Variants in OR2J2 observed in about 807,000 individuals in gnomAD.
The protein encoded by OR2J2 is olfactory receptor 2J2.
Under a neutral mutation model 16.9 loss-of-function variants are expected in OR2J2, and 13 were observed. That is an observed-to-expected ratio of 0.77 (90% CI 0.50 to 1.23). OR2J2 has a LOEUF of 1.23. Among genes scored for constraint, OR2J2 ranks in the 50% most tolerant of loss-of-function variants. The pLI is 0.00. For missense variants in OR2J2, 341 were observed against 379.1 expected (o/e 0.90, Z 0.84); for synonymous variants, 125 against 141.2 (o/e 0.89, Z 0.81).
At chr6:29,173,343 A>G in intron 1 of OR2J2, 1 of 314,618 alleles carries the variant, frequency 3.2e-6, no homozygotes, top group Non-Finnish European at 5.7e-6. Flanking sequence ...TTTTTCATAA[A>G]TATTGTGTTC....
In OR2J2 at chr6:29,173,703, A is replaced by T. The variant is rs374674840; in HGVS notation, c.68A>T (p.Gln23Leu). 6.2e-7 allele frequency: 1 copy of T among 1,613,554 alleles called. No individual in the cohort carries two copies. Among genetic ancestry groups the T allele is most frequent in the Non-Finnish European group, 8.5e-7 (1 of 1,179,876 alleles). ...FILLGFSNWP[Q>L]LEVVLFVVIL... is the part of the protein sequence containing the mutation. The stretch of plus-strand genomic sequence containing the variant: ...CTACTTGGATTTTCTAATTGGCCTC[A>T]GCTGGAAGTAGTTCTCTTTGTGGTT... The change falls in exon 2 of 2, where the codon CAG (glutamine) becomes CTG (leucine). Residue 23 changes from glutamine to leucine, a missense_variant. By Grantham distance (113) the Gln-to-Leu change is moderately radical. Transcript: ENST00000641417.
rs780746555 is a variant in OR2J2, at chr6:29,174,520, C to G, written c.885C>G (p.Asn295Lys). ...ATCCTCTAATCTACACTCTCAGAAA[C>G]AAGCATGTAAAAGGGGCAGCGAAGA... Reference protein sequence around the residue: ...SLNPLIYTLRNKHVKGAAKRL... With the variant: ...SLNPLIYTLRKKHVKGAAKRL... The change falls in exon 2 of 2, where the codon AAC becomes AAG. Residue 295 changes from asparagine (N) to lysine (K), a missense_variant. Physicochemically the swap from Asn to Lys is moderately conservative, Grantham distance 94. Coordinates refer to ENST00000641417, the MANE Select transcript of OR2J2 (RefSeq NM_030905.3). The G allele has an allele frequency of 1.2e-6, 2 of 1,613,644 alleles. No homozygotes were observed. The highest frequency in any genetic ancestry group is 1.7e-6 in the Non-Finnish European group (2 of 1,179,882).
Position 29,175,712 on chromosome 6 carries a change from C to A in OR2J2, c.*1138C>A, listed in dbSNP as rs1765824537. The A allele has an allele frequency of 6.6e-6, 1 of 152,032 alleles. No homozygotes were observed. Among genetic ancestry groups the A allele is most frequent in the South Asian group, 2.1e-4 (1 of 4,826 alleles). 9.4% of individuals were successfully genotyped at this position (152,032 alleles called of 1,614,324 possible). On this transcript the variant is annotated 3_prime_UTR_variant, in exon 2 of 2. Coordinates refer to ENST00000641417, the MANE Select transcript of OR2J2 (RefSeq NM_030905.3). ...ACTTTACATGAACATTTTGAAATCA[C>A]TACTAAATTCAATATTTTCAACATA...
In OR2J2 at chr6:29,173,851, C is replaced by A. The variant is rs1421863118; in HGVS notation, c.216C>A (p.Leu72=). The change falls in exon 2 of 2, where the codon CTC becomes CTA. Residue 72 remains leucine, a synonymous_variant. Coordinates refer to ENST00000641417, the MANE Select transcript of OR2J2 (RefSeq NM_030905.3). The part of the protein sequence containing the change: ...FFLSNLSFLD[L]CYTTSSIPQL... Reference sequence around the variant, plus strand: ...TTTCAAACCTCTCATTTCTGGATCTCTGCTACACCACCAGCTCTATCCCTC... The same window carrying A: ...TTTCAAACCTCTCATTTCTGGATCTATGCTACACCACCAGCTCTATCCCTC... 1 of 1,612,798 alleles carries A rather than the reference C, an allele frequency of 6.2e-7. No homozygotes were observed. Among genetic ancestry groups the A allele is most frequent in the East Asian group, 2.2e-5 (1 of 44,828 alleles).
intron 1 of OR2J2, among the ~76,000 whole-genome samples, chr6:29,172,130 G>A (rs1765526004): frequency 6.6e-6 from 1 of 152,114 alleles, no homozygotes; most frequent in Non-Finnish European, 1.5e-5. Context: ...TCAGCTCACT[G>A]CAACCTCCAC....
At chr6:29,171,311 T>C (rs1364632885) in intron 1 of OR2J2, among the ~76,000 whole-genome samples, 2 of 152,098 alleles carry the variant, frequency 1.3e-5, no homozygotes, top group Middle Eastern at 6.4e-3. Flanking sequence ...TATATACAAT[T>C]ATTACTAGTC....
At chr6:29,172,259 C>T (rs1158044612) in intron 1 of OR2J2, among the ~76,000 whole-genome samples, 4 of 151,964 alleles carry the variant, frequency 2.6e-5, no homozygotes, top group African/African-American at 9.7e-5. Flanking sequence ...TGTTTCACCA[C>T]GTTGGTCAGG....
At position 29,174,110 on chromosome 6, in the gene OR2J2, C is replaced by T; in HGVS notation, c.475C>T (p.Leu159Phe). Reference protein sequence around the residue: ...SWVIGFTISALHSSFTFWVPL... With the variant: ...SWVIGFTISAFHSSFTFWVPL... Reference sequence around the variant, plus strand: ...GGTAATTGGTTTTACTATCTCAGCACTTCATTCCTCCTTTACTTTCTGGGT... The same window carrying T: ...GGTAATTGGTTTTACTATCTCAGCATTTCATTCCTCCTTTACTTTCTGGGT... The change falls in exon 2 of 2, where the codon CTT (leucine) becomes TTT (phenylalanine). Residue 159 changes from leucine to phenylalanine, a missense_variant. Leu to Phe is a conservative substitution (Grantham distance 22). Coordinates refer to ENST00000641417, the MANE Select transcript of OR2J2 (RefSeq NM_030905.3). 1.2e-6 allele frequency: 2 copies of T among 1,612,768 alleles called. No homozygotes were observed. The highest frequency in any genetic ancestry group is 1.3e-5 in the African/African-American group (1 of 74,840).
At chr6:29,173,430 G>A in intron 1 of OR2J2, 189 bp from the exon 2 acceptor site, 1 of 488,524 alleles carries the variant, frequency 2.0e-6, no homozygotes, top group Non-Finnish European at 3.6e-6. Context: ...AGTAACTTGA[G>A]AAGCTATTGC....
At position 29,173,867 on chromosome 6, in the gene OR2J2, T is replaced by G; in HGVS notation, c.232T>G (p.Ser78Ala). The change falls in exon 2 of 2, where the codon TCT (serine) becomes GCT (alanine). Residue 78 changes from serine to alanine, a missense_variant. Physicochemically the swap from Ser to Ala is moderately conservative, Grantham distance 99. Coordinates refer to ENST00000641417, the MANE Select transcript of OR2J2 (RefSeq NM_030905.3). ...SFLDLCYTTS[S>A]IPQLLVNLRG... Reference sequence around the variant, plus strand: ...TCTGGATCTCTGCTACACCACCAGCTCTATCCCTCAGTTGCTGGTGAATCT... The same window carrying G: ...TCTGGATCTCTGCTACACCACCAGCGCTATCCCTCAGTTGCTGGTGAATCT... 6.2e-7 allele frequency: 1 copy of G among 1,612,334 alleles called. No individual in the cohort carries two copies. Among genetic ancestry groups the G allele is most frequent in the Non-Finnish European group, 8.5e-7 (1 of 1,179,612 alleles).
Position 29,174,631 on chromosome 6 carries a change from A to G in OR2J2, c.*57A>G. 1 of 1,391,204 alleles carries G rather than the reference A, an allele frequency of 7.2e-7. No homozygotes were observed. Among genetic ancestry groups the G allele is most frequent in the East Asian group, 2.3e-5 (1 of 43,424 alleles). 86.2% of individuals were successfully genotyped at this position (1,391,204 alleles called of 1,614,324 possible). On this transcript the variant is annotated 3_prime_UTR_variant, in exon 2 of 2. Coordinates refer to ENST00000641417, the MANE Select transcript of OR2J2 (RefSeq NM_030905.3). ...TTTCCTAGGGTCTTAGCCATCTTGAAAGGTGGTTTCCCTGCTTCTTTGTGA... is the reference window on the plus strand; with the variant it reads ...TTTCCTAGGGTCTTAGCCATCTTGAGAGGTGGTTTCCCTGCTTCTTTGTGA...
chr6:29,174,652 TG>T lies in OR2J2; in HGVS notation c.*79del. The T allele has an allele frequency of 8.5e-7, 1 of 1,172,060 alleles. No homozygotes were observed. The highest frequency in any genetic ancestry group is 1.2e-6 in the Non-Finnish European group (1 of 841,674). 72.6% of individuals were successfully genotyped at this position (1,172,060 alleles called of 1,614,324 possible). A position where few individuals can be genotyped will look rare whatever the true frequency, so the allele number is the denominator to read the frequency against. ...TTGAAAGGTGGTTTCCCTGCTTCTT[TG>T]TGATTTATTTTTGTTCTAACAGCTC... On this transcript the variant is annotated 3_prime_UTR_variant, in exon 2 of 2. Coordinates refer to ENST00000641417, the MANE Select transcript of OR2J2 (RefSeq NM_030905.3).
chr6:29,171,186 A>C (rs1388195352), intron 1 of OR2J2, 81 bp downstream of exon 1: 1 of 151,942 alleles, frequency 6.6e-6, no homozygotes, highest in Non-Finnish European at 1.5e-5. Flanking sequence ...TGTAGATTTT[A>C]AATGTTCTTA....
At position 29,174,535 on chromosome 6, in the gene OR2J2, G is replaced by T. The variant is rs376489298; in HGVS notation, c.900G>T (p.Gly300=). 1 of 1,612,972 alleles carries T rather than the reference G, an allele frequency of 6.2e-7. No individual in the cohort carries two copies. The highest frequency in any genetic ancestry group is 8.5e-7 in the Non-Finnish European group (1 of 1,179,656). The change falls in exon 2 of 2, where the codon GGG becomes GGT. Residue 300 remains glycine, a synonymous_variant. Coordinates refer to ENST00000641417, the MANE Select transcript of OR2J2 (RefSeq NM_030905.3). ...CTCTCAGAAACAAGCATGTAAAAGG[G>T]GCAGCGAAGAGACTATTGGGGTGGG... ...IYTLRNKHVK[G]AAKRLLGWEW... is the part of the protein sequence containing the mutation.
rs1464729436 is a variant in OR2J2, at chr6:29,174,788, T to C, written c.*214T>C. The C allele has an allele frequency of 2.2e-6, 1 of 464,702 alleles. No homozygotes were observed. The highest frequency in any genetic ancestry group is 3.7e-6 in the Non-Finnish European group (1 of 266,946). 28.8% of individuals were successfully genotyped at this position (464,702 alleles called of 1,614,324 possible). On this transcript the variant is annotated 3_prime_UTR_variant, in exon 2 of 2. Transcript: ENST00000641417. The stretch of plus-strand genomic sequence containing the variant: ...TAGTGCCACTTTGTTCTTTTACAAT[T>C]GTATATTTTATTTCTGTGAAAATTG...
At position 29,173,896 on chromosome 6, in the gene OR2J2, GGGCCC is replaced by G; in HGVS notation, c.264_268del (p.Pro89LysfsTer32). ...TCCCTCAGTTGCTGGTGAATCTCCG[GGGCCC>G]GGAAAAGACCATCTCGTATGCTGGT... is the stretch of plus-strand genomic sequence containing the variant. On this transcript the variant is annotated frameshift_variant, in exon 2 of 2. Coordinates refer to ENST00000641417, the MANE Select transcript of OR2J2 (RefSeq NM_030905.3). LOFTEE classifies it high-confidence loss of function. The G allele has an allele frequency of 6.2e-7, 1 of 1,611,770 alleles. No homozygotes were observed. Among genetic ancestry groups the G allele is most frequent in the Non-Finnish European group, 8.5e-7 (1 of 1,179,498 alleles).
At position 29,175,678 on chromosome 6, in the gene OR2J2, T is replaced by C. The variant is rs972591182; in HGVS notation, c.*1104T>C. 3 of 151,866 alleles carry C rather than the reference T, an allele frequency of 2.0e-5. No homozygotes were observed. The highest frequency in any genetic ancestry group is 2.1e-4 in the South Asian group (1 of 4,816). 9.4% of individuals were successfully genotyped at this position (151,866 alleles called of 1,614,324 possible). Reference sequence around the variant, plus strand: ...GCCTGTAGTCCCATTGAAGCTAAACTTTTTTTTCACTTTACATGAACATTT... The same window carrying C: ...GCCTGTAGTCCCATTGAAGCTAAACCTTTTTTTCACTTTACATGAACATTT... On this transcript the variant is annotated 3_prime_UTR_variant, in exon 2 of 2. Transcript: ENST00000641417.
chr6:29,172,991 C>T (rs963123934), intron 1 of OR2J2, among the ~76,000 whole-genome samples: 12 of 152,092 alleles, frequency 7.9e-5, no homozygotes, highest in African/African-American at 9.7e-5. Flanking sequence ...ATTCTATCAC[C>T]GATCACTCTA....
rs1412061712 is a variant in OR2J2, at chr6:29,175,069, G to GAT, written c.*500_*501dup. ...TAACATTGTTTAAGATATGGTAAAG[G>GAT]ATATATCATAAGTATTTGGTTGAAA... is the stretch of plus-strand genomic sequence containing the variant. On this transcript the variant is annotated 3_prime_UTR_variant, in exon 2 of 2. Transcript: ENST00000641417. 3 of 153,226 alleles carry GAT rather than the reference G, an allele frequency of 2.0e-5. No homozygotes were observed. In the Admixed American group the frequency reaches 2.0e-4, roughly 10 times the overall value. The allele number at this position is 153,226 out of a possible 1,614,324, so 9.5% of individuals were successfully genotyped here.
Sources: allele counts gnomAD v4.1 joint callset (sites outside exome capture counted in the v4.1 genomes callset), GRCh38; gene constraint gnomAD v4.1.1; transcripts MANE v1.5; gene names NCBI Gene and HGNC (gene_info 2026-07-23, HGNC 2026-07-21).